The following ZNF407 variants were observed in gnomAD, a reference collection of about 807,000 sequenced individuals.
ZNF407 encodes the protein zinc finger protein 407.
Under a neutral mutation model 131.2 loss-of-function variants are expected in ZNF407, and 17 were observed. That is an observed-to-expected ratio of 0.13 (90% CI 0.09 to 0.19). The LOEUF is 0.19. Among genes scored for constraint, ZNF407 ranks in the 10% least tolerant of loss-of-function variants. ZNF407 has a pLI of 1.00. For missense variants in ZNF407, 2,681 were observed against 2,830.6 expected (o/e 0.95, Z 1.20); for synonymous variants, 1,156 against 1,062.0 (o/e 1.09, Z -1.72).
At chr18:74,718,015 C>G (rs183794203) in intron 3 of ZNF407, among the ~76,000 whole-genome samples, 2,033 of 151,878 alleles carry the variant, frequency 0.013, 14 homozygotes, top group Non-Finnish European at 0.022. Flanking sequence ...ATTTTTAAAC[C>G]CTTGTTCATT....
At chr18:75,051,688 A>G (rs1248810057) in intron 8 of ZNF407, among the ~76,000 whole-genome samples, 1 of 152,208 alleles carries the variant, frequency 6.6e-6, no homozygotes, top group Non-Finnish European at 1.5e-5. Context: ...CCTACCCTTT[A>G]AAAACTTTAA....
At chr18:74,953,060 C>T (rs918045214) in intron 8 of ZNF407, among the ~76,000 whole-genome samples, 1 of 152,002 alleles carries the variant, frequency 6.6e-6, no homozygotes, top group Non-Finnish European at 1.5e-5. Context: ...CATAGAATGA[C>T]GGTGAGCAAG....
At chr18:74,708,879 C>G (rs1442298520) in intron 3 of ZNF407, among the ~76,000 whole-genome samples, 9 of 152,210 alleles carry the variant, frequency 5.9e-5, no homozygotes, top group Admixed American at 5.9e-4. Flanking sequence ...CATAATGTGC[C>G]CAGGCATGGC....
intron 3 of ZNF407, among the ~76,000 whole-genome samples, chr18:74,771,685 G>A (rs373544447): frequency 3.3e-5 from 5 of 151,634 alleles, no homozygotes; most frequent in Non-Finnish European, 7.4e-5. Context: ...ATCTCAATTG[G>A]CTGTTCTTTA....
intron 3 of ZNF407, among the ~76,000 whole-genome samples, chr18:74,678,470 G>A (rs902395182): frequency 6.6e-5 from 10 of 152,118 alleles, no homozygotes; most frequent in African/African-American, 2.4e-4. Context: ...AGGCCCTGAT[G>A]GCTGTTAGAG....
rs551182079 is a variant in ZNF407, at chr18:74,926,344, G to T, written c.5428+5652G>T. On this transcript the variant is annotated intron_variant, in intron 8 of 8. Transcript: ENST00000299687. ...GAACAGTATTTTTCATCATCCTGTT[G>T]TTTGCAGTAATGTAATTGGTATCCA... Among the ~76,000 whole-genome samples the T allele has an allele frequency of 2.0e-5, 3 of 152,232 alleles. No homozygotes were observed. In the East Asian group the frequency reaches 5.8e-4, roughly 29 times the overall value.
intron 8 of ZNF407, among the ~76,000 whole-genome samples, chr18:74,962,730 A>C (rs924310322): frequency 1.3e-5 from 2 of 152,192 alleles, no homozygotes; most frequent in Non-Finnish European, 2.9e-5. Context: ...TCCAAGAGTC[A>C]ATTCTGAAAC....
chr18:74,645,308 C>A (rs1278401901), intron 3 of ZNF407, among the ~76,000 whole-genome samples: 2 of 151,774 alleles, frequency 1.3e-5, no homozygotes, highest in African/African-American at 4.8e-5. Flanking sequence ...TAATAATTGG[C>A]CTGTGATTTC....
In ZNF407 at chr18:74,703,558, G is replaced by T. The variant is rs952558725; in HGVS notation, c.4802+62436G>T. Among the ~76,000 whole-genome samples, 1 of 152,110 alleles carries T rather than the reference G, an allele frequency of 6.6e-6. No homozygotes were observed. The highest frequency in any genetic ancestry group is 2.4e-5 in the African/African-American group (1 of 41,422). On this transcript the variant is annotated intron_variant, in intron 3 of 8. Transcript: ENST00000299687. The surrounding 1 kb of genome is among the most constrained non-coding windows in gnomAD (Gnocchi z 4.1). ...ATTTTGTATTTTTAGTAGAGATGGGGTTTCTCCAGGTTTATCAGGCTGGTC... is the reference window on the plus strand; with the variant it reads ...ATTTTGTATTTTTAGTAGAGATGGGTTTTCTCCAGGTTTATCAGGCTGGTC...
At chr18:74,654,695 A>G (rs921522363) in intron 3 of ZNF407, among the ~76,000 whole-genome samples, 3 of 151,902 alleles carry the variant, frequency 2.0e-5, no homozygotes, top group African/African-American at 7.2e-5. Flanking sequence ...ATTTGAGATC[A>G]TGAGGCTGAT....
intron 8 of ZNF407, among the ~76,000 whole-genome samples, chr18:74,961,683 G>C (rs1384872912): frequency 6.6e-5 from 10 of 151,156 alleles, no homozygotes; most frequent in Non-Finnish European, 1.5e-4. Flanking sequence ...TCAAGCCATT[G>C]CATTCCAGCC....
Position 74,634,258 on chromosome 18 carries a change from C to T in ZNF407, c.3239C>T (p.Ser1080Phe), listed in dbSNP as rs748611050. 5 of 1,614,048 alleles carry T rather than the reference C, an allele frequency of 3.1e-6. No individual in the cohort carries two copies. Among genetic ancestry groups the T allele is most frequent in the Non-Finnish European group, 4.2e-6 (5 of 1,179,900 alleles). Reference protein sequence around the residue: ...HKMKRQSYLNSANVEAGSADM... With the variant: ...HKMKRQSYLNFANVEAGSADM... ...ATGAAAAGGCAGTCTTATCTCAACT[C>T]TGCTAATGTAGAAGCTGGTTCTGCA... The change falls in exon 2 of 9, where the codon TCT becomes TTT. Residue 1080 changes from serine (S) to phenylalanine (F), a missense_variant. Around this residue, in one of 6 missense-constraint regions of ZNF407, gnomAD observed 1,789 missense variants for 1,748.7 expected, o/e 1.02. Transcript: ENST00000299687.
chr18:74,999,919 A>C (rs1008328932), intron 8 of ZNF407, among the ~76,000 whole-genome samples: 3 of 152,242 alleles, frequency 2.0e-5, no homozygotes, highest in Non-Finnish European at 2.9e-5. Flanking sequence ...CTAACATGAT[A>C]GCTTGTGATT....
chr18:74,608,922 G>A (rs1228337485), intron 1 of ZNF407, among the ~76,000 whole-genome samples: 1 of 152,014 alleles, frequency 6.6e-6, no homozygotes, highest in Non-Finnish European at 1.5e-5. Context: ...TTTTTGTACT[G>A]TGAGGTTAAA....
chr18:74,655,735 A>G (rs570910372), intron 3 of ZNF407, among the ~76,000 whole-genome samples: 4 of 152,300 alleles, frequency 2.6e-5, no homozygotes, highest in East Asian at 3.9e-4. Flanking sequence ...GTGCACACAC[A>G]TGCATCTGTT....
chr18:74,794,813 AC>A (rs1388991990), intron 4 of ZNF407, among the ~76,000 whole-genome samples: 1 of 152,196 alleles, frequency 6.6e-6, no homozygotes, highest in African/African-American at 2.4e-5. Flanking sequence ...AGAGTTGCAT[AC>A]GATGCTTAAT....
intron 4 of ZNF407, among the ~76,000 whole-genome samples, chr18:74,830,752 A>C (rs1194355036): frequency 6.6e-6 from 1 of 152,124 alleles, no homozygotes; most frequent in Non-Finnish European, 1.5e-5. Context: ...AACATTTATC[A>C]TTTCTTTGTG....
Position 75,000,319 on chromosome 18 carries a change from A to G in ZNF407, c.5429-62831A>G, listed in dbSNP as rs60333448. Among the ~76,000 whole-genome samples, 504 of 152,340 alleles carry G rather than the reference A, an allele frequency of 3.3e-3. 8 individuals carry two copies. Among genetic ancestry groups the G allele is most frequent in the African/African-American group, 0.011 (468 of 41,582 alleles). Reference sequence around the variant, plus strand: ...ACATGCTACAGTCCTAGCACAGAGGATTCTTTTGAGACGTAAAACAACGGT... The same window carrying G: ...ACATGCTACAGTCCTAGCACAGAGGGTTCTTTTGAGACGTAAAACAACGGT... On this transcript the variant is annotated intron_variant, in intron 8 of 8. Transcript: ENST00000299687.
intron 3 of ZNF407, among the ~76,000 whole-genome samples, chr18:74,676,598 G>C (rs1244057495): frequency 1.4e-5 from 2 of 138,258 alleles, no homozygotes; most frequent in Admixed American, 1.5e-4. Context: ...CACCGTGCCC[G>C]GGTAATTTTG....
Sources: gnomAD v4.1 joint callset for allele counts (sites outside exome capture counted in the v4.1 genomes callset) on GRCh38, gnomAD v4.1.1 for gene constraint, gnomAD v4.1.1 regional missense constraint, Gnocchi (gnomAD v3.1) non-coding constraint, MANE v1.5 for transcripts, NCBI Gene and HGNC (gene_info 2026-07-23, HGNC 2026-07-21) for gene names.